The following BID variants were observed in gnomAD, a reference collection of about 807,000 sequenced individuals.
BID encodes BH3-interacting domain death agonist.
Under a neutral mutation model 17.4 loss-of-function variants are expected in BID, and 19 were observed. That is an observed-to-expected ratio of 1.09 (90% CI 0.76 to 1.60). BID has a LOEUF of 1.60. Among genes scored for constraint, BID ranks in the 40% most tolerant of loss-of-function variants. The pLI, the probability that BID is intolerant of heterozygous loss-of-function variation, is 0.00. For synonymous variants in BID, 108 were observed against 102.8 expected (o/e 1.05, Z -0.31); for missense variants, 226 against 256.0 (o/e 0.88, Z 0.80).
chr22:17,755,528 C>T (rs759873301), intron 1 of BID, among the ~76,000 whole-genome samples: 3 of 151,832 alleles, frequency 2.0e-5, no homozygotes, highest in Admixed American at 6.6e-5. Flanking sequence ...GGAGGCCGGG[C>T]GTGGTGGCTC....
At chr22:17,742,470 T>TCCCCCCA (rs147266241) in intron 3 of BID, among the ~76,000 whole-genome samples, 29 of 121,320 alleles carry the variant, frequency 2.4e-4, no homozygotes, top group African/African-American at 8.3e-4. Flanking sequence ...CTCAGACACC[T>TCCCCCCA]CCCCCCACCC....
intron 1 of BID, among the ~76,000 whole-genome samples, chr22:17,755,108 G>A (rs1369495527): frequency 2.2e-5 from 3 of 136,038 alleles, no homozygotes; most frequent in Non-Finnish European, 4.7e-5. Context: ...TTTTTGAGTC[G>A]GAGTCTTGCT....
rs537992389 is a variant in BID, at chr22:17,757,667, C to T, written c.-58-7493G>A. ...GAGCTTGCAGTGAGCCAAGATAGCG[C>T]CACTGTACTCCAGCCTGCGCGACAG... On this transcript the variant is annotated intron_variant, in intron 1 of 5. Transcript: ENST00000622694. 2.0e-5 allele frequency among the ~76,000 whole-genome samples: 3 copies of T among 150,848 alleles called. No homozygotes were observed. The South Asian group carries it at 6.3e-4, about 31-fold the overall frequency.
In BID at chr22:17,758,595, C is replaced by T. The variant is rs773001132; in HGVS notation, c.-58-8421G>A. ...CATGGGGTGACATACAATTGACACACGCTACAACACAGATGAACTTGAAGA... is the reference window on the plus strand; with the variant it reads ...CATGGGGTGACATACAATTGACACATGCTACAACACAGATGAACTTGAAGA... On this transcript the variant is annotated intron_variant, in intron 1 of 5. Transcript: ENST00000622694. Among the ~76,000 whole-genome samples, 93 of 152,162 alleles carry T rather than the reference C, an allele frequency of 6.1e-4. 2 individuals are homozygous for T. The highest frequency in any genetic ancestry group is 2.4e-4 in the Non-Finnish European group (16 of 68,042).
intron 4 of BID, among the ~76,000 whole-genome samples, 193 bp from the exon 5 acceptor site, chr22:17,738,422 C>T (rs1285453701): frequency 1.3e-5 from 2 of 152,182 alleles, no homozygotes; most frequent in African/African-American, 4.8e-5. Context: ...GCAGGGGGCT[C>T]GGTAAGCAAA....
chr22:17,755,082 CTTTTTTTTTT>C (rs59654004), intron 1 of BID, among the ~76,000 whole-genome samples: 9 of 99,280 alleles, frequency 9.1e-5, no homozygotes, highest in East Asian at 3.3e-4. Flanking sequence ...TTTTTCTTTT[CTTTTTTTTTT>C]TTTTTTTTTT....
At chr22:17,747,868 GA>G (rs887440651) in intron 2 of BID, among the ~76,000 whole-genome samples, 2 of 151,290 alleles carry the variant, frequency 1.3e-5, no homozygotes, top group Non-Finnish European at 2.9e-5. Context: ...ATGAGGTCAA[GA>G]GGTCGAGAAC....
At chr22:17,763,330 G>T (rs1216402270) in intron 1 of BID, among the ~76,000 whole-genome samples, 1 of 150,686 alleles carries the variant, frequency 6.6e-6, no homozygotes, top group Non-Finnish European at 1.5e-5. Context: ...TGCAACCTTC[G>T]TCTCCTGGGT....
intron 1 of BID, among the ~76,000 whole-genome samples, chr22:17,765,705 AAGG>A (rs944300564): frequency 6.6e-6 from 1 of 152,106 alleles, no homozygotes; most frequent in African/African-American, 2.4e-5. Context: ...AAAAGGGGGG[AAGG>A]ATAGCATTAG....
chr22:17,766,937 A>C (rs2061683233), intron 1 of BID, among the ~76,000 whole-genome samples: 1 of 150,952 alleles, frequency 6.6e-6, no homozygotes, highest in Admixed American at 6.6e-5. Context: ...AATTATTAGA[A>C]GTACAGCCAG....
At position 17,759,245 on chromosome 22, in the gene BID, A is replaced by ACAAAAAAAAAAAC. The variant is rs1555906721; in HGVS notation, c.-58-9072_-58-9071insGTTTTTTTTTTTG. On this transcript the variant is annotated intron_variant, in intron 1 of 5. Coordinates refer to ENST00000622694, the MANE Select transcript of BID (RefSeq NM_001196.4). ...ACTCCGTCTCAAAACAAAAAACAAA[A>ACAAAAAAAAAAAC]CAAAAAAAAAAAAACAAAAGAACCA... is the stretch of plus-strand genomic sequence containing the variant. Among the ~76,000 whole-genome samples, 10 of 108,278 alleles carry ACAAAAAAAAAAAC rather than the reference A, an allele frequency of 9.2e-5. No homozygotes were observed. In the South Asian group the frequency reaches 2.5e-3, roughly 27 times the overall value. The allele number at this position is 108,278 out of a possible 152,430, so 71.0% of individuals were successfully genotyped here.
intron 5 of BID, among the ~76,000 whole-genome samples, chr22:17,736,805 G>A (rs2061423212): frequency 6.6e-6 from 1 of 151,410 alleles, no homozygotes; most frequent in Non-Finnish European, 1.5e-5. Flanking sequence ...ACCATGCTCA[G>A]CTAATTTTTT....
At chr22:17,747,072 G>C (rs577328673) in intron 2 of BID, among the ~76,000 whole-genome samples, 1 of 152,150 alleles carries the variant, frequency 6.6e-6, no homozygotes, top group Non-Finnish European at 1.5e-5. Context: ...GACTCGAGGC[G>C]GCAGGGAGGG....
rs1450085704 is a variant in BID at position 17,735,608 on chromosome 22, GA to G, written c.577-18del. The G allele has an allele frequency of 4.3e-6, 7 of 1,613,982 alleles. No individual in the cohort carries two copies. Among genetic ancestry groups the G allele is most frequent in the Non-Finnish European group, 5.1e-6 (6 of 1,180,012 alleles). The stretch of plus-strand genomic sequence containing the variant: ...GTCCATCCCCTAGAGCAAGAAAGGA[GA>G]AAAAGCCAGAATCAGCTAGGCTCAT... On this transcript the variant is annotated intron_variant, in intron 5 of 5. Transcript: ENST00000622694.
At chr22:17,737,685 A>C (rs945625104) in intron 5 of BID, among the ~76,000 whole-genome samples, 1 of 152,154 alleles carries the variant, frequency 6.6e-6, no homozygotes, top group South Asian at 2.1e-4. Context: ...GAGGTCTGAA[A>C]AGCTCATTGT....
chr22:17,740,442 T>G, intron 3 of BID: 1 of 362,380 alleles, frequency 2.8e-6, no homozygotes, highest in Non-Finnish European at 5.3e-6. Context: ...CTTTTTTTTT[T>G]TTTTTGAGAC....
chr22:17,736,076 G>A (rs2061417408), intron 5 of BID, among the ~76,000 whole-genome samples: 1 of 152,140 alleles, frequency 6.6e-6, no homozygotes, highest in Admixed American at 6.5e-5. Flanking sequence ...AGCATATAAG[G>A]AATGTTTTCT....
chr22:17,739,653 G>T, intron 3 of BID, 165 bp from the exon 4 acceptor site: 1 of 928,092 alleles, frequency 1.1e-6, no homozygotes, highest in Non-Finnish European at 1.6e-6. Flanking sequence ...GGCGGGCTGA[G>T]TACCAGCGCT....
At chr22:17,745,205 C>T (rs1486101059) in intron 2 of BID, among the ~76,000 whole-genome samples, 1 of 152,034 alleles carries the variant, frequency 6.6e-6, no homozygotes. Flanking sequence ...TGTGCATCAC[C>T]ACGCCCGGCT....
Sources: gnomAD v4.1 joint callset for allele counts (sites outside exome capture counted in the v4.1 genomes callset) on GRCh38, gnomAD v4.1.1 for gene constraint, MANE v1.5 for transcripts, NCBI Gene and HGNC (gene_info 2026-07-23, HGNC 2026-07-21) for gene names.